The following ATP6V0E1 variants were observed in gnomAD, a reference collection of about 807,000 sequenced individuals.
ATP6V0E1 encodes the protein V-type proton ATPase subunit e 1.
In ATP6V0E1, 4 loss-of-function variants were observed where a neutral mutation model predicts 11.6. The ratio of observed to expected loss-of-function variants is 0.35; its 90% CI spans 0.17 to 0.79. The LOEUF (loss-of-function observed/expected upper bound fraction) is 0.79, where lower values mean the gene tolerates loss of function less well. ATP6V0E1 is among the 30% of genes least tolerant of loss of function. The pLI, the probability that ATP6V0E1 is intolerant of heterozygous loss-of-function variation, is 0.54. For synonymous variants in ATP6V0E1, 36 were observed against 34.8 expected (o/e 1.04, Z -0.13); for missense variants, 105 against 100.0 (o/e 1.05, Z -0.21).
At chr5:173,006,751 C>A (rs1171489317) in intron 2 of ATP6V0E1, among the ~76,000 whole-genome samples, 1 of 152,174 alleles carries the variant, frequency 6.6e-6, no homozygotes, top group Non-Finnish European at 1.5e-5. Context: ...CTATAGAAAG[C>A]AACCTATGGT....
chr5:173,028,054 C>T (rs1288863915), intron 3 of ATP6V0E1, among the ~76,000 whole-genome samples: 2 of 152,128 alleles, frequency 1.3e-5, no homozygotes, highest in African/African-American at 4.8e-5. Flanking sequence ...TTGACAGATT[C>T]CTCATGTTTT....
intron 3 of ATP6V0E1, among the ~76,000 whole-genome samples, chr5:173,025,086 C>T (rs149462310): frequency 0.031 from 4,596 of 149,722 alleles, 101 homozygotes; most frequent in East Asian, 0.084. Flanking sequence ...CGTGATCCAC[C>T]CACCTCAGCC....
intron 3 of ATP6V0E1, among the ~76,000 whole-genome samples, chr5:173,021,164 G>A (rs1212203666): frequency 6.6e-6 from 1 of 151,888 alleles, no homozygotes; most frequent in Non-Finnish European, 1.5e-5. Flanking sequence ...CAGAGAGGGA[G>A]CAAGAGAGAG....
At chr5:173,020,515 A>C (rs1756462917) in intron 3 of ATP6V0E1, 148 bp downstream of exon 3, 1 of 593,708 alleles carries the variant, frequency 1.7e-6, no homozygotes, top group Non-Finnish European at 3.0e-6. Context: ...ATAAAATTGG[A>C]ACTTAAGCCT....
At chr5:172,988,599 G>T (rs184285434) in intron 1 of ATP6V0E1, among the ~76,000 whole-genome samples, 1 of 152,128 alleles carries the variant, frequency 6.6e-6, no homozygotes, top group Non-Finnish European at 1.5e-5. Flanking sequence ...CATTAAAGCC[G>T]AATTAGTACT....
At chr5:172,984,068 G>A (rs1178112409) in intron 1 of ATP6V0E1, 104 bp downstream of exon 1, 3 of 1,104,414 alleles carry the variant, frequency 2.7e-6, no homozygotes, top group East Asian at 2.4e-5. Context: ...CGTTGCATGG[G>A]CGCCCCCCGC....
At chr5:172,988,116 A>G (rs1755925124) in intron 1 of ATP6V0E1, among the ~76,000 whole-genome samples, 1 of 152,146 alleles carries the variant, frequency 6.6e-6, no homozygotes, top group South Asian at 2.1e-4. Flanking sequence ...CAAACATATT[A>G]TTCTAGGCCC....
At position 173,034,925 on chromosome 5, in the gene ATP6V0E1, T is replaced by A. The variant is rs1291898121; in HGVS notation, c.*563T>A. The stretch of plus-strand genomic sequence containing the variant: ...TCGGTGTTTGTAAAGTTCATTTTTA[T>A]AAGCTTTTCTATCGCTACATAATGC... On this transcript the variant is annotated 3_prime_UTR_variant, in exon 4 of 4. Transcript: ENST00000519374. 7.1e-5 allele frequency: 11 copies of A among 154,262 alleles called. No homozygotes were observed. Among genetic ancestry groups the A allele is most frequent in the Admixed American group, 7.1e-4 (11 of 15,566 alleles). The allele number at this position is 154,262 out of a possible 1,614,324, so 9.6% of individuals were successfully genotyped here.
At chr5:173,015,587 A>C (rs1756388135) in intron 2 of ATP6V0E1, among the ~76,000 whole-genome samples, 1 of 152,102 alleles carries the variant, frequency 6.6e-6, no homozygotes. Flanking sequence ...TTCCATAAAA[A>C]CCCAAAAGGA....
At chr5:172,986,125 G>A (rs1329532343) in intron 1 of ATP6V0E1, among the ~76,000 whole-genome samples, 1 of 152,230 alleles carries the variant, frequency 6.6e-6, no homozygotes, top group Non-Finnish European at 1.5e-5. Context: ...AAATTGCTGT[G>A]AGTGAGTCAG....
At chr5:173,008,013 G>A (rs567969) in intron 2 of ATP6V0E1, among the ~76,000 whole-genome samples, 20,307 of 152,156 alleles carry the variant, frequency 0.13, 1,738 homozygotes, top group African/African-American at 0.23. Context: ...GAGGTACCAC[G>A]TTCTGGCCTC....
chr5:172,986,492 G>A (rs1384972253), intron 1 of ATP6V0E1, among the ~76,000 whole-genome samples: 4 of 152,046 alleles, frequency 2.6e-5, no homozygotes, highest in African/African-American at 7.2e-5. Context: ...GTATGGTGGT[G>A]CACACCTGTG....
At chr5:172,987,853 T>C (rs2113576786) in intron 1 of ATP6V0E1, among the ~76,000 whole-genome samples, 1 of 152,066 alleles carries the variant, frequency 6.6e-6, no homozygotes, top group East Asian at 1.9e-4. Context: ...AGCTAGGACA[T>C]AGGCGTGCAC....
chr5:173,032,374 G>A (rs1341836285), intron 3 of ATP6V0E1, among the ~76,000 whole-genome samples: 3 of 151,142 alleles, frequency 2.0e-5, no homozygotes, highest in African/African-American at 7.3e-5. Context: ...TGCAACCTCC[G>A]CCTCCTGGGT....
chr5:173,029,555 C>G (rs1243491673), intron 3 of ATP6V0E1, among the ~76,000 whole-genome samples: 2 of 152,124 alleles, frequency 1.3e-5, no homozygotes, highest in Non-Finnish European at 2.9e-5. Flanking sequence ...CGTCATCTAT[C>G]TACAGAATAC....
intron 3 of ATP6V0E1, among the ~76,000 whole-genome samples, chr5:173,026,222 C>T (rs1190055823): frequency 1.3e-5 from 2 of 152,062 alleles, no homozygotes; most frequent in African/African-American, 4.8e-5. Flanking sequence ...TCTCAAACTC[C>T]TGGGCTCAAG....
chr5:173,019,293 C>T (rs1402355934), intron 2 of ATP6V0E1, among the ~76,000 whole-genome samples: 2 of 152,076 alleles, frequency 1.3e-5, no homozygotes, highest in Non-Finnish European at 2.9e-5. Context: ...AGGTGGCTCA[C>T]GTCTGTAATC....
chr5:172,998,419 C>T (rs1034846151), intron 2 of ATP6V0E1, among the ~76,000 whole-genome samples: 1 of 151,712 alleles, frequency 6.6e-6, no homozygotes, highest in African/African-American at 2.4e-5. Context: ...CCAACCTAGC[C>T]AACATGGTGA....
At chr5:173,020,171 A>G (rs1756457463) in intron 2 of ATP6V0E1, 67 bp from the exon 3 acceptor site, 2 of 1,311,032 alleles carry the variant, frequency 1.5e-6, no homozygotes, top group Non-Finnish European at 1.1e-6. Flanking sequence ...TTTCCATGCT[A>G]ATTGAAAATG....
Sources: gnomAD v4.1 joint callset for allele counts (sites outside exome capture counted in the v4.1 genomes callset) on GRCh38, gnomAD v4.1.1 for gene constraint, MANE v1.5 for transcripts, NCBI Gene and HGNC (gene_info 2026-07-23, HGNC 2026-07-21) for gene names.